The following LDLRAD4 variants were observed in gnomAD, a reference collection of about 807,000 sequenced individuals.
The protein encoded by LDLRAD4 is low density lipoprotein receptor class A domain containing 4.
Under a neutral mutation model 17.0 loss-of-function variants are expected in LDLRAD4, and 5 were observed. The ratio of observed to expected loss-of-function variants is 0.29; its 90% CI spans 0.15 to 0.62. LDLRAD4 has a LOEUF of 0.62. LDLRAD4 is among the 20% of genes least tolerant of loss of function. The probability of loss-of-function intolerance (pLI) is 0.84; values close to 1 mark genes in which losing one functional copy is unlikely to be tolerated. For synonymous variants in LDLRAD4, 168 were observed against 171.8 expected, an observed-to-expected ratio of 0.98 and a Z score of 0.17; for missense variants, 340 against 424.7, an observed-to-expected ratio of 0.80 and a Z score of 1.75.
chr18:13,444,898 C>T lies in LDLRAD4; in HGVS notation c.181+6514C>T, dbSNP rs564172327. 7.7e-4 allele frequency among the ~76,000 whole-genome samples: 118 copies of T among 152,286 alleles called. 3 individuals are homozygous for T. In the South Asian group the frequency reaches 0.022, roughly 28 times the overall value. ...TGGAAGCAGGGATTGAAAATATCCA[C>T]GTGATGCTGGCAGCCTGCATGAGAA... is the stretch of plus-strand genomic sequence containing the variant. On this transcript the variant is annotated intron_variant, in intron 3 of 5. Transcript: ENST00000359446.
rs34579599 is a variant in LDLRAD4, at chr18:13,322,784, ATTTTTTTTT to A, written c.-383+44608_-383+44616del. Among the ~76,000 whole-genome samples, 4 of 130,432 alleles carry A rather than the reference ATTTTTTTTT, an allele frequency of 3.1e-5. No homozygotes were observed. In the East Asian group the frequency reaches 6.8e-4, roughly 22 times the overall value. 85.6% of individuals were successfully genotyped at this position (130,432 alleles called of 152,430 possible). A position where few individuals can be genotyped will look rare whatever the true frequency, so the allele number is the denominator to read the frequency against. On this transcript the variant is annotated intron_variant, in intron 1 of 5. Coordinates refer to ENST00000359446, the Ensembl canonical transcript of LDLRAD4. ...AGGTATACACCACCATACATGGCTA[ATTTTTTTTT>A]TTTTTTTTTTTGATGGAGACGGGAT... is the stretch of plus-strand genomic sequence containing the variant.
intron 1 of LDLRAD4, among the ~76,000 whole-genome samples, chr18:13,324,847 C>T (rs1463106397): frequency 6.6e-6 from 1 of 152,110 alleles, no homozygotes; most frequent in African/African-American, 2.4e-5. Flanking sequence ...AAGAAAACAG[C>T]AGAGGTAGGT....
intron 3 of LDLRAD4, among the ~76,000 whole-genome samples, chr18:13,468,428 G>A (rs1844885467): frequency 6.6e-6 from 1 of 152,154 alleles, no homozygotes; most frequent in Non-Finnish European, 1.5e-5. Flanking sequence ...CAACCATTGT[G>A]GAAGTCAGTG....
intron 3 of LDLRAD4, chr18:13,461,009 C>A (rs1442020566): frequency 6.6e-6 from 1 of 152,248 alleles, no homozygotes; most frequent in Non-Finnish European, 1.5e-5. Context: ...TTCTGCAGCC[C>A]CCACTGCACC....
At chr18:13,564,250 A>G (rs2094570702) in intron 3 of LDLRAD4, among the ~76,000 whole-genome samples, 1 of 152,156 alleles carries the variant, frequency 6.6e-6, no homozygotes, top group African/African-American at 2.4e-5. Flanking sequence ...TAGAAATTTT[A>G]CTTTCCTTTT....
intron 3 of LDLRAD4, among the ~76,000 whole-genome samples, chr18:13,508,744 C>A (rs565193844): frequency 6.6e-6 from 1 of 152,208 alleles, no homozygotes; most frequent in African/African-American, 2.4e-5. Flanking sequence ...TGCACCTGGT[C>A]ACCAAGAGCT....
intron 4 of LDLRAD4, among the ~76,000 whole-genome samples, chr18:13,623,322 C>T (rs1278913178): frequency 6.6e-6 from 1 of 152,218 alleles, no homozygotes; most frequent in Non-Finnish European, 1.5e-5. Flanking sequence ...ATTCGGCAGC[C>T]AGTGAATTGT....
chr18:13,647,910 C>A (rs1234070689), exon 6 of LDLRAD4: 1 of 152,240 alleles, frequency 6.6e-6, no homozygotes, highest in Non-Finnish European at 1.5e-5. Context: ...CAGAAGGACC[C>A]TCCCCAACCC....
Position 13,398,442 on chromosome 18 carries a change from A to C in LDLRAD4, c.40+10680A>C, listed in dbSNP as rs1161554197. Among the ~76,000 whole-genome samples the C allele has an allele frequency of 6.6e-6, 1 of 152,096 alleles. No homozygotes were observed. The highest frequency in any genetic ancestry group is 1.5e-5 in the Non-Finnish European group (1 of 68,020). ...CGTACATTTTACCACAGTGAACATA[A>C]ACAGTTTTGAAAAAAAAGAAAATTG... On this transcript the variant is annotated intron_variant, in intron 2 of 5. Transcript: ENST00000359446. This position sits in a 1 kb window ranked among gnomAD's most constrained non-coding sequence, Gnocchi z 4.8.
chr18:13,497,055 A>G (rs992160805), intron 3 of LDLRAD4, among the ~76,000 whole-genome samples: 1 of 152,268 alleles, frequency 6.6e-6, no homozygotes, highest in African/African-American at 2.4e-5. Flanking sequence ...ATAATGTTCA[A>G]TTAATTAGTA....
At chr18:13,405,096 A>G (rs998046477) in intron 2 of LDLRAD4, among the ~76,000 whole-genome samples, 9 of 151,934 alleles carry the variant, frequency 5.9e-5, no homozygotes, top group African/African-American at 2.2e-4. Context: ...AACAGAAGGT[A>G]GTAATGATGA....
chr18:13,263,261 G>A (rs1039813530), intron 1 of LDLRAD4, among the ~76,000 whole-genome samples: 3 of 151,218 alleles, frequency 2.0e-5, no homozygotes, highest in South Asian at 2.1e-4. Flanking sequence ...CGTGGAAACC[G>A]AATCCCATGC....
chr18:13,376,329 A>T (rs2084908695), intron 1 of LDLRAD4, among the ~76,000 whole-genome samples: 1 of 152,230 alleles, frequency 6.6e-6, no homozygotes, highest in Admixed American at 6.5e-5. Context: ...TTCCGTGCAG[A>T]GGAAGTTGGC....
intron 3 of LDLRAD4, chr18:13,613,222 A>T (rs1275457909): frequency 6.4e-6 from 1 of 155,924 alleles, no homozygotes; most frequent in African/African-American, 2.4e-5. Flanking sequence ...TCATCCATGT[A>T]GTGACAGGAG....
In LDLRAD4 at chr18:13,430,955, T is replaced by C. The variant is rs59318744; in HGVS notation, c.41-7289T>C. Among the ~76,000 whole-genome samples the C allele has an allele frequency of 8.4e-3, 1,284 of 152,312 alleles. 17 individuals are homozygous for C. Among genetic ancestry groups the C allele is most frequent in the African/African-American group, 0.03 (1,228 of 41,562 alleles). On this transcript the variant is annotated intron_variant, in intron 2 of 5. Coordinates refer to ENST00000359446, the Ensembl canonical transcript of LDLRAD4. ...GAAAGGAAATGTGTCTGAAGTACCA[T>C]TGATCCTCATGAAGAAGGACTCATG... is the stretch of plus-strand genomic sequence containing the variant.
At chr18:13,646,403 A>C (rs2043016992) in exon 6 of LDLRAD4, 1 of 152,454 alleles carries the variant, frequency 6.6e-6, no homozygotes, top group South Asian at 2.1e-4. Context: ...CATTTTACCA[A>C]CTTACGTAAA....
chr18:13,520,996 A>G (rs1425808401), intron 3 of LDLRAD4: 1 of 152,230 alleles, frequency 6.6e-6, no homozygotes, highest in Non-Finnish European at 1.5e-5. Flanking sequence ...CGTCTTCCTG[A>G]AGACTCGCCA....
At chr18:13,467,230 T>C (rs993617036) in intron 3 of LDLRAD4, among the ~76,000 whole-genome samples, 1 of 152,180 alleles carries the variant, frequency 6.6e-6, no homozygotes, top group Non-Finnish European at 1.5e-5. Context: ...AATGACATGA[T>C]CTTATGTATA....
At chr18:13,368,003 C>T (rs955316166) in intron 1 of LDLRAD4, among the ~76,000 whole-genome samples, 1 of 152,048 alleles carries the variant, frequency 6.6e-6, no homozygotes, top group Non-Finnish European at 1.5e-5. Context: ...GCCCAGGTGA[C>T]AGAGTGAGAC....
Sources: gnomAD v4.1 joint callset for allele counts (sites outside exome capture counted in the v4.1 genomes callset) on GRCh38, gnomAD v4.1.1 for gene constraint, Gnocchi (gnomAD v3.1) non-coding constraint, MANE v1.5 for transcripts, NCBI Gene and HGNC (gene_info 2026-07-23, HGNC 2026-07-21) for gene names.